Variants in ACTR3C observed in about 807,000 individuals in gnomAD.
ACTR3C encodes actin related protein 3C.
A neutral mutation model predicts 26.3 loss-of-function variants in ACTR3C; 18 were observed. The ratio of observed to expected loss-of-function variants is 0.68; its 90% CI spans 0.47 to 1.01. ACTR3C has a LOEUF of 1.01. ACTR3C is among the 50% of genes least tolerant of loss of function. The pLI is 0.00. For synonymous variants in ACTR3C, 55 were observed against 94.5 expected, an observed-to-expected ratio of 0.58 and a Z score of 2.42; for missense variants, 184 against 250.7, an observed-to-expected ratio of 0.73 and a Z score of 1.80.
the ACTR3C span, among the ~76,000 whole-genome samples, chr7:150,024,080 A>C: frequency 6.6e-6 from 1 of 150,656 alleles, no homozygotes; most frequent in Non-Finnish European, 1.5e-5. Flanking sequence ...GAAGGCCATG[A>C]CGGTGCCTGA....
At chr7:150,076,977 C>G in the ACTR3C span, among the ~76,000 whole-genome samples, 18 of 152,074 alleles carry the variant, frequency 1.2e-4, no homozygotes, top group African/African-American at 4.3e-4. Context: ...CCAGCCTGGC[C>G]AACATGGTGA....
At chr7:150,313,078 C>G (rs1256409652) in intron 1 of ACTR3C, among the ~76,000 whole-genome samples, 1 of 152,178 alleles carries the variant, frequency 6.6e-6, no homozygotes, top group East Asian at 1.9e-4. Context: ...CCACCATGCA[C>G]CCCGTAACCC....
the ACTR3C span, among the ~76,000 whole-genome samples, chr7:150,141,854 C>T: frequency 2.6e-5 from 4 of 151,754 alleles, no homozygotes; most frequent in Non-Finnish European, 5.9e-5. Context: ...TGTCTGTGTT[C>T]GCAGGTGCTG....
chr7:150,231,595 T>G, the ACTR3C span, among the ~76,000 whole-genome samples: 1 of 150,822 alleles, frequency 6.6e-6, no homozygotes, highest in African/African-American at 2.4e-5. Flanking sequence ...ACCTCTTTTC[T>G]TCATAAATTA....
chr7:150,249,841 G>A (rs1244333649), intron 6 of ACTR3C, among the ~76,000 whole-genome samples: 2 of 152,196 alleles, frequency 1.3e-5, no homozygotes, highest in Non-Finnish European at 2.9e-5. Context: ...GCATGTAGAA[G>A]AAATACCTGA....
At chr7:150,231,043 T>C in the ACTR3C span, among the ~76,000 whole-genome samples, 1 of 150,500 alleles carries the variant, frequency 6.6e-6, no homozygotes, top group African/African-American at 2.5e-5. Flanking sequence ...ATGATCAATT[T>C]TGGATCTTCT....
At chr7:150,236,636 C>A in the ACTR3C span, among the ~76,000 whole-genome samples, 1 of 152,096 alleles carries the variant, frequency 6.6e-6, no homozygotes, top group African/African-American at 2.4e-5. Flanking sequence ...TAACCCCAGG[C>A]TAGCTGTGAA....
At chr7:150,197,097 G>A in the ACTR3C span, among the ~76,000 whole-genome samples, 1 of 152,118 alleles carries the variant, frequency 6.6e-6, no homozygotes, top group South Asian at 2.1e-4. Flanking sequence ...CATGGACACG[G>A]GGCAGTAGAG....
the ACTR3C span, among the ~76,000 whole-genome samples, chr7:149,959,356 T>C: frequency 6.6e-6 from 1 of 152,166 alleles, no homozygotes; most frequent in Non-Finnish European, 1.5e-5. Context: ...TATTTCTCAC[T>C]GTAACCCTGT....
intron 1 of ACTR3C, among the ~76,000 whole-genome samples, chr7:150,305,097 T>C (rs2531012): frequency 6.6e-6 from 1 of 152,164 alleles, no homozygotes; most frequent in Non-Finnish European, 1.5e-5. Context: ...ACAAACAATG[T>C]GTGCTTCCAC....
chr7:150,184,999 G>C, the ACTR3C span, among the ~76,000 whole-genome samples: 2 of 151,278 alleles, frequency 1.3e-5, no homozygotes, highest in Admixed American at 1.3e-4. Flanking sequence ...GAGAGGAAAA[G>C]TCCTGTCATC....
chr7:149,922,594 A>T, the ACTR3C span, among the ~76,000 whole-genome samples: 1 of 152,064 alleles, frequency 6.6e-6, no homozygotes, highest in African/African-American at 2.4e-5. Flanking sequence ...ATCCTCCTGC[A>T]AATGGATCCA....
At chr7:150,062,498 G>C in the ACTR3C span, among the ~76,000 whole-genome samples, 2 of 150,374 alleles carry the variant, frequency 1.3e-5, no homozygotes, top group Non-Finnish European at 2.9e-5. Context: ...TGGAACACTC[G>C]AGATGGGCAA....
chr7:150,042,259 C>CAG, the ACTR3C span, among the ~76,000 whole-genome samples: 1 of 20,438 alleles, frequency 4.9e-5, no homozygotes, highest in Non-Finnish European at 8.4e-5. Flanking sequence ...CCCACCCTTG[C>CAG]GGTGGGTGCC....
intron 1 of ACTR3C, among the ~76,000 whole-genome samples, chr7:150,322,347 C>T (rs969385958): frequency 1.6e-4 from 24 of 152,258 alleles, no homozygotes; most frequent in African/African-American, 5.5e-4. Context: ...GTCATACAGA[C>T]CTTGCTGATA....
the ACTR3C span, among the ~76,000 whole-genome samples, chr7:149,988,094 G>C: frequency 7.2e-5 from 11 of 152,184 alleles, no homozygotes; most frequent in Admixed American, 7.2e-4. Context: ...AACTTAGAAC[G>C]TGTCTGCCCC....
intron 1 of ACTR3C, among the ~76,000 whole-genome samples, chr7:150,298,573 A>G (rs1795138330): frequency 6.9e-6 from 1 of 145,514 alleles, no homozygotes. Flanking sequence ...AGTTGGAAAG[A>G]TTAAAGGCAG....
chr7:149,948,858 G>A, the ACTR3C span, among the ~76,000 whole-genome samples: 3 of 151,928 alleles, frequency 2.0e-5, no homozygotes, highest in Non-Finnish European at 2.9e-5. Flanking sequence ...GGTCTCGGAC[G>A]TGATCCACCT....
the ACTR3C span, among the ~76,000 whole-genome samples, chr7:149,941,343 C>T: frequency 6.6e-6 from 1 of 152,202 alleles, no homozygotes; most frequent in African/African-American, 2.4e-5. Context: ...AATTTCTCAG[C>T]AGTTCTGTAA....
Sources: allele counts gnomAD v4.1 joint callset (sites outside exome capture counted in the v4.1 genomes callset), GRCh38; gene constraint gnomAD v4.1.1; transcripts MANE v1.5; gene names NCBI Gene and HGNC (gene_info 2026-07-23, HGNC 2026-07-21).